Variants in UGT1A7 observed in about 807,000 individuals in gnomAD.
UGT1A7 encodes UDP glucuronosyltransferase family 1 member A7, also known as UDP-glucuronosyltransferase 1A7.
UGT1A7 carries 33 observed loss-of-function variants against 45.6 expected under a neutral mutation model. The observed-to-expected ratio is 0.72, with a 90% confidence interval of 0.55 to 0.97. The LOEUF (loss-of-function observed/expected upper bound fraction) is 0.97, where lower values mean the gene tolerates loss of function less well. Ranked by LOEUF, UGT1A7 falls within the 50% of genes least tolerant of loss-of-function variation. The pLI, the probability that UGT1A7 is intolerant of heterozygous loss-of-function variation, is 0.00. For synonymous variants in UGT1A7, 274 were observed against 250.6 expected, an observed-to-expected ratio of 1.09 and a Z score of -0.88; for missense variants, 684 against 666.2, an observed-to-expected ratio of 1.03 and a Z score of -0.29.
chr2:233,691,825 G>A (rs1224480587), intron 1 of UGT1A7: 1 of 175,252 alleles, frequency 5.7e-6, no homozygotes, highest in African/African-American at 2.4e-5. Context: ...CTAAAGGCAA[G>A]TAACAGTTTG....
chr2:233,748,690 T>C (rs1289414709), intron 1 of UGT1A7, among the ~76,000 whole-genome samples: 4 of 151,634 alleles, frequency 2.6e-5, no homozygotes, highest in Non-Finnish European at 5.9e-5. Context: ...ACAAAAGATT[T>C]TTCTGGTCAG....
intron 1 of UGT1A7, among the ~76,000 whole-genome samples, chr2:233,749,553 T>C (rs1486611363): frequency 6.6e-6 from 1 of 151,880 alleles, no homozygotes; most frequent in Non-Finnish European, 1.5e-5. Context: ...AACAGGCTAA[T>C]GTATTCAATA....
At chr2:233,696,995 T>G (rs1443377070) in intron 1 of UGT1A7, among the ~76,000 whole-genome samples, 1 of 152,182 alleles carries the variant, frequency 6.6e-6, no homozygotes, top group Non-Finnish European at 1.5e-5. Flanking sequence ...TTCGTTGAGA[T>G]TTTTGCATCT....
At chr2:233,738,718 T>G (rs912478722) in intron 1 of UGT1A7, among the ~76,000 whole-genome samples, 1 of 152,094 alleles carries the variant, frequency 6.6e-6, no homozygotes, top group Non-Finnish European at 1.5e-5. Flanking sequence ...AGCATAAAAG[T>G]TTGGAAAATT....
intron 1 of UGT1A7, chr2:233,743,541 A>ACC (rs544018510): frequency 2.2e-6 from 3 of 1,366,832 alleles, no homozygotes; most frequent in South Asian, 1.1e-5. Flanking sequence ...AGTTCCTCTG[A>ACC]CCCCCCCAAA....
intron 1 of UGT1A7, among the ~76,000 whole-genome samples, chr2:233,726,661 A>G (rs2077549730): frequency 1.3e-5 from 2 of 152,200 alleles, no homozygotes; most frequent in Admixed American, 6.5e-5. Flanking sequence ...TAATTTAATC[A>G]TATCTGTGAA....
chr2:233,763,945 G>T (rs1405755046), intron 1 of UGT1A7, among the ~76,000 whole-genome samples: 1 of 152,190 alleles, frequency 6.6e-6, no homozygotes, highest in South Asian at 2.1e-4. Context: ...GGAAAGCTTG[G>T]GAGCAGGGAA....
At chr2:233,682,924 T>A in intron 1 of UGT1A7, 132 bp downstream of exon 1, 1 of 1,470,534 alleles carries the variant, frequency 6.8e-7, no homozygotes, top group South Asian at 1.4e-5. Context: ...AATTCTTTTG[T>A]ACCAATTCAC....
rs886183040 is a variant in UGT1A7, at chr2:233,769,751, A to C, written c.1295+1312A>C. 1.1e-5 allele frequency: 16 copies of C among 1,422,712 alleles called. No homozygotes were observed. Among genetic ancestry groups the C allele is most frequent in the Non-Finnish European group, 1.5e-5 (16 of 1,085,126 alleles). 88.1% of individuals were successfully genotyped at this position (1,422,712 alleles called of 1,614,324 possible). A position where few individuals can be genotyped will look rare whatever the true frequency, so the allele number is the denominator to read the frequency against. On this transcript the variant is annotated intron_variant, in intron 4 of 4. Transcript: ENST00000373426. This position sits in a 1 kb window ranked among gnomAD's most constrained non-coding sequence, Gnocchi z 4.4. Reference sequence around the variant, plus strand: ...ACGCCTGTAGTCCCAGCCACTCTGGAGGCTAAGGCGGGAGGATTGCTTGAG... The same window carrying C: ...ACGCCTGTAGTCCCAGCCACTCTGGCGGCTAAGGCGGGAGGATTGCTTGAG...
chr2:233,718,621 T>C (rs1199442857), intron 1 of UGT1A7: 10 of 887,970 alleles, frequency 1.1e-5, no homozygotes, highest in Middle Eastern at 1.2e-3. Flanking sequence ...ATAGGCGTGA[T>C]TGGTCTTTCC....
In UGT1A7 at chr2:233,769,857, CAA is replaced by C. The variant is rs879204025; in HGVS notation, c.1295+1434_1295+1435del. The C allele has an allele frequency of 0.032, 7,144 of 220,908 alleles. No individual in the cohort carries two copies. The highest frequency in any genetic ancestry group is 0.048 in the South Asian group (428 of 8,924). The allele number at this position is 220,908 out of a possible 1,614,324, so 13.7% of individuals were successfully genotyped here. Reference sequence around the variant, plus strand: ...TGGGCAACAGAGTGAGACCCTGTCTCAAAAAAAAAAAAAAAAATGAAAAGTCC... The same window carrying C: ...TGGGCAACAGAGTGAGACCCTGTCTCAAAAAAAAAAAAAAATGAAAAGTCC... On this transcript the variant is annotated intron_variant, in intron 4 of 4. Transcript: ENST00000373426. The surrounding 1 kb of genome is among the most constrained non-coding windows in gnomAD (Gnocchi z 4.4).
chr2:233,736,955 C>T (rs954996490), intron 1 of UGT1A7, among the ~76,000 whole-genome samples: 6 of 152,190 alleles, frequency 3.9e-5, no homozygotes, highest in African/African-American at 1.2e-4. Context: ...TCTGTTGGCC[C>T]CTACTGGGAG....
Position 233,682,587 on chromosome 2 carries a change from A to T in UGT1A7, c.650A>T (p.His217Leu), listed in dbSNP as rs2074585557. 6.2e-7 allele frequency: 1 copy of T among 1,613,766 alleles called. No individual in the cohort carries two copies. The change falls in exon 1 of 5, where the codon CAT (histidine) becomes CTT (leucine). Residue 217 changes from histidine (H) to leucine (L), a missense_variant. Transcript: ENST00000373426. ...AACCACATCATGCACTTGGAGGAAC[A>T]TTTATTTTGCCCCTATTTTTTCAAA... ...VWNHIMHLEE[H>L]LFCPYFFKNV...
chr2:233,754,953 C>T (rs1487058909), intron 1 of UGT1A7: 2 of 1,319,926 alleles, frequency 1.5e-6, no homozygotes, highest in South Asian at 1.1e-5. Context: ...TGGGTCCCGG[C>T]CGCCAAAGAA....
At chr2:233,726,995 G>T (rs1214460784) in intron 1 of UGT1A7, among the ~76,000 whole-genome samples, 3 of 152,034 alleles carry the variant, frequency 2.0e-5, no homozygotes, top group African/African-American at 4.8e-5. Flanking sequence ...GTTCTTTCTA[G>T]CAAAGTTTTA....
Position 233,768,355 on chromosome 2 carries a change from A to AG in UGT1A7, c.1214dup (p.Ala406SerfsTer13), listed in dbSNP as rs758192306. 7.4e-6 allele frequency: 12 copies of AG among 1,614,082 alleles called. No individual in the cohort carries two copies. Among genetic ancestry groups the AG allele is most frequent in the Non-Finnish European group, 1.0e-5 (12 of 1,180,036 alleles). On this transcript the variant is annotated frameshift_variant, in exon 4 of 5. Transcript: ENST00000373426. LOFTEE classifies it high-confidence loss of function. The stretch of plus-strand genomic sequence containing the variant: ...GACAATGCAAAGCGCATGGAGACTA[A>AG]GGGAGCTGGAGTGACCCTGAATGTT...
intron 1 of UGT1A7, among the ~76,000 whole-genome samples, chr2:233,704,138 G>A (rs778432243): frequency 2.6e-5 from 4 of 151,942 alleles, no homozygotes; most frequent in African/African-American, 4.8e-5. Flanking sequence ...TGATCCACCC[G>A]CCTCAGCCTT....
chr2:233,743,212 C>A, intron 1 of UGT1A7: 1 of 401,146 alleles, frequency 2.5e-6, no homozygotes, highest in Admixed American at 3.1e-5. Context: ...TGCGGAGTAA[C>A]TGCTCTTTGC....
At chr2:233,700,037 A>T (rs1478316932) in intron 1 of UGT1A7, among the ~76,000 whole-genome samples, 1 of 152,206 alleles carries the variant, frequency 6.6e-6, no homozygotes, top group Non-Finnish European at 1.5e-5. Context: ...ACTCTGATCT[A>T]AATCAATTCC....
Sources: gnomAD v4.1 joint callset for allele counts (sites outside exome capture counted in the v4.1 genomes callset) on GRCh38, gnomAD v4.1.1 for gene constraint, Gnocchi (gnomAD v3.1) non-coding constraint, MANE v1.5 for transcripts, NCBI Gene and HGNC (gene_info 2026-07-23, HGNC 2026-07-21) for gene names.